SORCS2: variants seen among roughly 807,000 people sequenced by gnomAD.
SORCS2 encodes the protein VPS10 domain-containing receptor SorCS2.
A neutral mutation model predicts 141.6 loss-of-function variants in SORCS2; 100 were observed. The observed-to-expected ratio is 0.71, with a 90% CI of 0.60 to 0.83. The LOEUF is 0.83. Ranked by LOEUF, SORCS2 falls within the 40% of genes least tolerant of loss-of-function variation. The pLI is 0.00. For synonymous variants in SORCS2, 789 were observed against 676.9 expected (o/e 1.17, Z -2.57); for missense variants, 1,646 against 1,560.2 (o/e 1.05, Z -0.93).
chr4:7,565,993 TG>T (rs879557548), intron 3 of SORCS2, among the ~76,000 whole-genome samples: 226 of 2,000 alleles, frequency 0.11, 5 homozygotes, highest in Non-Finnish European at 0.19. Flanking sequence ...ATAATGGTAA[TG>T]GTGATGATGG....
At chr4:7,440,227 G>T (rs1727569696) in intron 2 of SORCS2, among the ~76,000 whole-genome samples, 1 of 152,214 alleles carries the variant, frequency 6.6e-6, no homozygotes, top group Non-Finnish European at 1.5e-5. Flanking sequence ...CTGCGTTGCA[G>T]GTAGGACCCT....
At chr4:7,329,813 T>A (rs1719530319) in intron 1 of SORCS2, among the ~76,000 whole-genome samples, 1 of 152,064 alleles carries the variant, frequency 6.6e-6, no homozygotes, top group African/African-American at 2.4e-5. Flanking sequence ...CCTTTCCAGG[T>A]CAGCCAGGCT....
chr4:7,626,667 G>T (rs1015212163), intron 3 of SORCS2, among the ~76,000 whole-genome samples: 9 of 152,192 alleles, frequency 5.9e-5, no homozygotes, highest in Non-Finnish European at 1.2e-4. Context: ...ATTAGTCATT[G>T]AATTACCTGA....
chr4:7,476,908 G>A (rs1468976732), intron 2 of SORCS2, among the ~76,000 whole-genome samples: 2 of 152,218 alleles, frequency 1.3e-5, no homozygotes, highest in Non-Finnish European at 2.9e-5. Context: ...CTCCAACTCA[G>A]TGCTATGTGG....
intron 1 of SORCS2, among the ~76,000 whole-genome samples, chr4:7,230,698 TCATGTGCTCATGTATGAA>T (rs1214490354): frequency 1.2e-4 from 18 of 149,268 alleles, no homozygotes; most frequent in African/African-American, 3.5e-4. Flanking sequence ...AGGAGCAGTG[TCATGTGCTCATGTATGAA>T]GGAGATGAAG....
chr4:7,298,051 C>T (rs1202790690), intron 1 of SORCS2, among the ~76,000 whole-genome samples: 3 of 152,252 alleles, frequency 2.0e-5, no homozygotes, highest in Non-Finnish European at 4.4e-5. Flanking sequence ...TCCCCAGGTC[C>T]GTCCTCCCAG....
chr4:7,668,170 C>T (rs1048841692), intron 8 of SORCS2, among the ~76,000 whole-genome samples: 1 of 152,182 alleles, frequency 6.6e-6, no homozygotes, highest in Non-Finnish European at 1.5e-5. Flanking sequence ...GGGGAACAGG[C>T]AGGAGATCCA....
At chr4:7,654,463 C>T (rs1451922501) in intron 5 of SORCS2, among the ~76,000 whole-genome samples, 1 of 152,230 alleles carries the variant, frequency 6.6e-6, no homozygotes, top group Non-Finnish European at 1.5e-5. Context: ...TGGTGTCCCT[C>T]AGGCCACGTT....
chr4:7,510,329 G>C (rs1462781327), intron 2 of SORCS2, among the ~76,000 whole-genome samples: 1 of 152,230 alleles, frequency 6.6e-6, no homozygotes, highest in African/African-American at 2.4e-5. Flanking sequence ...GCCCTCCCCA[G>C]CTGTGGGCAG....
intron 1 of SORCS2, among the ~76,000 whole-genome samples, chr4:7,308,151 C>T (rs1305445715): frequency 1.3e-5 from 2 of 152,280 alleles, no homozygotes; most frequent in East Asian, 3.9e-4. Flanking sequence ...TCATCCCTCT[C>T]CCTCTCAGGG....
chr4:7,223,164 G>A (rs1236203781), intron 1 of SORCS2, among the ~76,000 whole-genome samples: 1 of 152,162 alleles, frequency 6.6e-6, no homozygotes, highest in East Asian at 1.9e-4. Flanking sequence ...TCTTGCAAGA[G>A]GAAAGGCCTA....
intron 26 of SORCS2, among the ~76,000 whole-genome samples, chr4:7,737,856 T>G (rs1712322293): frequency 6.6e-6 from 1 of 152,190 alleles, no homozygotes; most frequent in African/African-American, 2.4e-5. Context: ...AGCAGTCATC[T>G]CAAAGCTTGC....
intron 1 of SORCS2, among the ~76,000 whole-genome samples, chr4:7,275,320 C>T (rs73206461): frequency 0.093 from 14,187 of 152,186 alleles, 847 homozygotes; most frequent in East Asian, 0.2. Context: ...GCTCTGCAGA[C>T]AGGTCTGATC....
chr4:7,641,001 C>T (rs996014259), intron 4 of SORCS2, among the ~76,000 whole-genome samples: 6 of 152,146 alleles, frequency 3.9e-5, no homozygotes, highest in African/African-American at 1.4e-4. Flanking sequence ...TAGGTCAGCT[C>T]CCAGGGTCAG....
At chr4:7,323,504 C>T (rs1489454957) in intron 1 of SORCS2, among the ~76,000 whole-genome samples, 1 of 152,188 alleles carries the variant, frequency 6.6e-6, no homozygotes, top group African/African-American at 2.4e-5. Flanking sequence ...ACACCCATGG[C>T]TCTGAGGGGG....
rs115868871 is a variant in SORCS2 at position 7,389,881 on chromosome 4, G to A, written c.481-6407G>A. Reference sequence around the variant, plus strand: ...ACTGCTGAGGGATGGGAGGAGCCCCGGCTTCCTGATGAGGCTGAAGGACAG... The same window carrying A: ...ACTGCTGAGGGATGGGAGGAGCCCCAGCTTCCTGATGAGGCTGAAGGACAG... On this transcript the variant is annotated intron_variant, in intron 1 of 26. Transcript: ENST00000507866. Among the ~76,000 whole-genome samples, 239 of 152,286 alleles carry A rather than the reference G, an allele frequency of 1.6e-3. 1 individual carries two copies. Among genetic ancestry groups the A allele is most frequent in the African/African-American group, 5.5e-3 (230 of 41,556 alleles).
chr4:7,577,135 T>C (rs534296210), intron 3 of SORCS2, among the ~76,000 whole-genome samples: 35 of 152,280 alleles, frequency 2.3e-4, no homozygotes, highest in Non-Finnish European at 4.9e-4. Flanking sequence ...AGAACGCTCA[T>C]GTGGAGGGTG....
chr4:7,706,204 A>C (rs1335883554), intron 14 of SORCS2, among the ~76,000 whole-genome samples: 2 of 121,548 alleles, frequency 1.6e-5, no homozygotes. Context: ...GGCAGGGATG[A>C]GGCTGGGCTC....
chr4:7,421,945 T>C (rs761391661), intron 2 of SORCS2, among the ~76,000 whole-genome samples: 1 of 150,570 alleles, frequency 6.6e-6, no homozygotes, highest in Non-Finnish European at 1.5e-5. Flanking sequence ...CCCTCCCCCA[T>C]GGTCGACCTT....
Sources: allele counts gnomAD v4.1 joint callset (sites outside exome capture counted in the v4.1 genomes callset), GRCh38; gene constraint gnomAD v4.1.1; transcripts MANE v1.5; gene names NCBI Gene and HGNC (gene_info 2026-07-23, HGNC 2026-07-21).